Variants in CHN1 observed in about 807,000 individuals in gnomAD.
CHN1 encodes the protein N-chimaerin.
CHN1 carries 37 observed loss-of-function variants against 59.5 expected under a neutral mutation model. That is an observed-to-expected ratio of 0.62 (90% CI 0.48 to 0.82). CHN1 has a LOEUF of 0.82. CHN1 is among the 40% of genes least tolerant of loss of function. CHN1 has a pLI of 0.00. For synonymous variants in CHN1, 206 were observed against 200.4 expected (o/e 1.03, Z -0.24); for missense variants, 469 against 571.0 (o/e 0.82, Z 1.82).
At chr2:174,944,535 T>C (rs1689770301) in intron 3 of CHN1, among the ~76,000 whole-genome samples, 1 of 152,180 alleles carries the variant, frequency 6.6e-6, no homozygotes, top group East Asian at 1.9e-4. Context: ...AGCTAAATAC[T>C]TATTTCAATG....
At chr2:174,996,324 T>G (rs1203202663) in intron 1 of CHN1, among the ~76,000 whole-genome samples, 2 of 152,176 alleles carry the variant, frequency 1.3e-5, no homozygotes, top group Admixed American at 6.5e-5. Context: ...ACACACAAAG[T>G]AGAAATATTA....
intron 1 of CHN1, among the ~76,000 whole-genome samples, chr2:175,004,609 T>G (rs1691998847): frequency 6.6e-6 from 1 of 152,180 alleles, no homozygotes; most frequent in South Asian, 2.1e-4. Context: ...CAAGTTGGCA[T>G]CTTAGAGAAT....
intron 7 of CHN1, among the ~76,000 whole-genome samples, chr2:174,837,723 G>C (rs529483605): frequency 1.3e-5 from 2 of 152,078 alleles, no homozygotes; most frequent in Non-Finnish European, 2.9e-5. Context: ...TTAGTATGTT[G>C]CTTGTCAAAA....
At chr2:174,859,685 C>A (rs148525308) in intron 6 of CHN1, among the ~76,000 whole-genome samples, 181 of 152,228 alleles carry the variant, frequency 1.2e-3, no homozygotes, top group African/African-American at 4.2e-3. Flanking sequence ...TTGTTCAGGG[C>A]AGATAGTAAG....
At chr2:174,821,366 A>G (rs374975740) in intron 8 of CHN1, among the ~76,000 whole-genome samples, 1 of 152,046 alleles carries the variant, frequency 6.6e-6, no homozygotes, top group Non-Finnish European at 1.5e-5. Flanking sequence ...TTCTGTCCTT[A>G]TATCATCTTT....
chr2:174,952,644 C>T (rs573349054), intron 1 of CHN1, among the ~76,000 whole-genome samples: 1 of 152,296 alleles, frequency 6.6e-6, no homozygotes, highest in South Asian at 2.1e-4. Flanking sequence ...TCCCCCGTTA[C>T]ATTTGGGGGA....
intron 7 of CHN1, among the ~76,000 whole-genome samples, chr2:174,843,946 T>G (rs1429755534): frequency 6.7e-6 from 1 of 149,114 alleles, no homozygotes; most frequent in African/African-American, 2.4e-5. Flanking sequence ...TTTTTAATGT[T>G]AGAGTTTGTT....
chr2:174,851,240 A>G (rs1050119114), intron 6 of CHN1, among the ~76,000 whole-genome samples: 2 of 152,286 alleles, frequency 1.3e-5, no homozygotes, highest in Admixed American at 6.5e-5. Flanking sequence ...CTACCTTGTT[A>G]TTTTGACTGG....
intron 11 of CHN1, among the ~76,000 whole-genome samples, chr2:174,805,956 G>T (rs1369420648): frequency 6.6e-6 from 1 of 152,176 alleles, no homozygotes; most frequent in African/African-American, 2.4e-5. Flanking sequence ...TGGGAACAGA[G>T]TTCTCAGAAT....
chr2:174,977,450 A>C (rs1429226176), intron 1 of CHN1, among the ~76,000 whole-genome samples: 2 of 152,244 alleles, frequency 1.3e-5, no homozygotes, highest in Non-Finnish European at 2.9e-5. Context: ...AAAAGTTTTC[A>C]ACTGTGTTTA....
intron 1 of CHN1, among the ~76,000 whole-genome samples, chr2:174,954,581 TCAAA>T (rs1237322696): frequency 6.6e-6 from 1 of 152,090 alleles, no homozygotes; most frequent in African/African-American, 2.4e-5. Context: ...TACAAGGAAC[TCAAA>T]CAAATCAGCA....
intron 1 of CHN1, among the ~76,000 whole-genome samples, chr2:174,994,974 A>G (rs1691660724): frequency 6.6e-6 from 1 of 152,240 alleles, no homozygotes; most frequent in South Asian, 2.1e-4. Context: ...TTCCGATTAC[A>G]GACTCTCATA....
chr2:174,918,245 A>AT (rs1456629224), intron 4 of CHN1, among the ~76,000 whole-genome samples: 1 of 152,190 alleles, frequency 6.6e-6, no homozygotes, highest in Non-Finnish European at 1.5e-5. Flanking sequence ...ATATGTACAC[A>AT]AAAACACAAA....
chr2:174,804,808 G>A (rs990968632), intron 11 of CHN1, among the ~76,000 whole-genome samples: 10 of 152,198 alleles, frequency 6.6e-5, no homozygotes, highest in Non-Finnish European at 1.3e-4. Context: ...TGCCTGTCAG[G>A]CATTCAAATG....
At chr2:174,820,094 C>G (rs371960824) in intron 8 of CHN1, among the ~76,000 whole-genome samples, 2 of 152,044 alleles carry the variant, frequency 1.3e-5, no homozygotes, top group Non-Finnish European at 2.9e-5. Flanking sequence ...TTGGTTCCAA[C>G]TCTTTGCTAT....
At chr2:174,953,279 A>G (rs955362084) in intron 1 of CHN1, among the ~76,000 whole-genome samples, 1 of 152,188 alleles carries the variant, frequency 6.6e-6, no homozygotes, top group Non-Finnish European at 1.5e-5. Flanking sequence ...TTAAACTGCA[A>G]TATCACACTT....
At chr2:174,846,107 T>C (rs769676530) in intron 7 of CHN1, among the ~76,000 whole-genome samples, 1 of 152,194 alleles carries the variant, frequency 6.6e-6, no homozygotes, top group African/African-American at 2.4e-5. Flanking sequence ...CTATTAAATG[T>C]AACTGGGTCT....
At chr2:174,865,668 C>T (rs1687195118) in intron 6 of CHN1, among the ~76,000 whole-genome samples, 1 of 152,138 alleles carries the variant, frequency 6.6e-6, no homozygotes, top group Non-Finnish European at 1.5e-5. Flanking sequence ...CTAGAACAGA[C>T]TTTCAATGTT....
intron 7 of CHN1, among the ~76,000 whole-genome samples, chr2:174,842,446 A>T (rs923758452): frequency 3.3e-5 from 5 of 152,228 alleles, no homozygotes; most frequent in African/African-American, 1.2e-4. Context: ...AATACTTGTA[A>T]TAAATCTAAT....
Sources: allele counts gnomAD v4.1 joint callset (sites outside exome capture counted in the v4.1 genomes callset), GRCh38; gene constraint gnomAD v4.1.1; transcripts MANE v1.5; gene names NCBI Gene and HGNC (gene_info 2026-07-23, HGNC 2026-07-21).